Variants in SPOCK1 observed in about 807,000 individuals in gnomAD.
SPOCK1 encodes the protein SPARC (osteonectin), cwcv and kazal like domains proteoglycan 1, also known as testican-1.
A neutral mutation model predicts 55.3 loss-of-function variants in SPOCK1; 23 were observed. The observed-to-expected ratio is 0.42, with a 90% CI of 0.30 to 0.59. The LOEUF is 0.59. Ranked by LOEUF, SPOCK1 falls within the 20% of genes least tolerant of loss-of-function variation. The pLI is 0.22. For synonymous variants in SPOCK1, 226 were observed against 221.0 expected, an observed-to-expected ratio of 1.02 and a Z score of -0.20; for missense variants, 499 against 552.5, an observed-to-expected ratio of 0.90 and a Z score of 0.97.
intron 2 of SPOCK1, among the ~76,000 whole-genome samples, chr5:137,371,910 T>G (rs1462066562): frequency 6.6e-6 from 1 of 152,208 alleles, no homozygotes; most frequent in Non-Finnish European, 1.5e-5. Flanking sequence ...CACTATCCAA[T>G]AGAAATATAA....
chr5:137,160,539 T>C (rs11747200), intron 3 of SPOCK1, among the ~76,000 whole-genome samples: 24 of 74,186 alleles, frequency 3.2e-4, no homozygotes, highest in Admixed American at 2.5e-3. Flanking sequence ...TAAAAATATA[T>C]AATATATATA....
chr5:137,320,466 T>C (rs1314208850), intron 2 of SPOCK1, among the ~76,000 whole-genome samples: 2 of 152,270 alleles, frequency 1.3e-5, no homozygotes, highest in African/African-American at 4.8e-5. Flanking sequence ...TATTGTGTTC[T>C]GGCTTTTCAA....
intron 2 of SPOCK1, among the ~76,000 whole-genome samples, chr5:137,461,483 C>T (rs1467969868): frequency 6.6e-6 from 1 of 152,210 alleles, no homozygotes; most frequent in African/African-American, 2.4e-5. Flanking sequence ...TTGGGGGCAG[C>T]CCCTTGAAAT....
chr5:137,277,866 G>T (rs1213567782), intron 2 of SPOCK1, among the ~76,000 whole-genome samples: 1 of 152,150 alleles, frequency 6.6e-6, no homozygotes, highest in African/African-American at 2.4e-5. Context: ...GCAGCCCCAA[G>T]AGCAGGCCGG....
At chr5:137,354,890 A>T (rs577141691) in intron 2 of SPOCK1, among the ~76,000 whole-genome samples, 5 of 151,130 alleles carry the variant, frequency 3.3e-5, no homozygotes, top group Non-Finnish European at 7.4e-5. Flanking sequence ...TAAGTGACTC[A>T]CTCTAAGTTT....
At chr5:137,345,588 AC>A (rs1200922408) in intron 2 of SPOCK1, among the ~76,000 whole-genome samples, 1 of 152,160 alleles carries the variant, frequency 6.6e-6, no homozygotes, top group African/African-American at 2.4e-5. Flanking sequence ...TTTTTAGCAA[AC>A]ACCCTGGTCT....
At chr5:137,151,219 C>A (rs1754313287) in intron 3 of SPOCK1, among the ~76,000 whole-genome samples, 1 of 152,042 alleles carries the variant, frequency 6.6e-6, no homozygotes, top group Middle Eastern at 3.2e-3. Flanking sequence ...TCTCAAACTC[C>A]TGGCCTCAAG....
intron 2 of SPOCK1, among the ~76,000 whole-genome samples, chr5:137,491,839 C>T (rs571139927): frequency 2.6e-5 from 4 of 152,320 alleles, no homozygotes; most frequent in African/African-American, 9.6e-5. Flanking sequence ...TTAGGTTCTT[C>T]AGGAGGCATC....
intron 4 of SPOCK1, among the ~76,000 whole-genome samples, chr5:137,122,800 G>C (rs1016879404): frequency 3.9e-5 from 6 of 152,246 alleles, no homozygotes; most frequent in African/African-American, 7.2e-5. Flanking sequence ...TCCACCATCA[G>C]CTTCGCTGTT....
intron 3 of SPOCK1, among the ~76,000 whole-genome samples, chr5:137,211,496 TCTA>T (rs1158482271): frequency 2.0e-5 from 3 of 152,226 alleles, no homozygotes; most frequent in African/African-American, 7.2e-5. Context: ...AATGTTTTGT[TCTA>T]CTATTTGGTC....
chr5:137,010,389 G>C (rs1220609469), intron 6 of SPOCK1, among the ~76,000 whole-genome samples: 1 of 151,944 alleles, frequency 6.6e-6, no homozygotes, highest in Non-Finnish European at 1.5e-5. Flanking sequence ...CATGGAGAGG[G>C]ATAACTTCCA....
intron 3 of SPOCK1, among the ~76,000 whole-genome samples, chr5:137,150,989 C>A (rs1275660383): frequency 3.3e-5 from 5 of 152,190 alleles, no homozygotes; most frequent in Non-Finnish European, 7.3e-5. Flanking sequence ...ATGCATCTAG[C>A]ACAGCCTGGC....
intron 7 of SPOCK1, among the ~76,000 whole-genome samples, chr5:136,990,903 T>C (rs963570740): frequency 6.6e-5 from 10 of 152,124 alleles, no homozygotes; most frequent in African/African-American, 2.2e-4. Context: ...TTGCCTGTCA[T>C]GCAGGAGAAA....
intron 3 of SPOCK1, among the ~76,000 whole-genome samples, chr5:137,187,985 C>T (rs530275055): frequency 3.4e-4 from 52 of 152,288 alleles, no homozygotes; most frequent in Admixed American, 3.0e-3. Flanking sequence ...GTTATCCTTC[C>T]ACCCCTTGGA....
chr5:137,382,297 A>C (rs1485039195), intron 2 of SPOCK1, among the ~76,000 whole-genome samples: 1 of 152,210 alleles, frequency 6.6e-6, no homozygotes, highest in East Asian at 1.9e-4. Flanking sequence ...AGGAAGTTCC[A>C]AACTTTCCCA....
chr5:137,206,067 C>A (rs1755516840), intron 3 of SPOCK1, among the ~76,000 whole-genome samples: 1 of 152,226 alleles, frequency 6.6e-6, no homozygotes, highest in Non-Finnish European at 1.5e-5. Flanking sequence ...TCCTGCAGCA[C>A]AACGACTCAA....
intron 6 of SPOCK1, among the ~76,000 whole-genome samples, chr5:137,018,392 G>A (rs190504007): frequency 1.4e-4 from 21 of 152,124 alleles, no homozygotes; most frequent in Admixed American, 2.6e-4. Context: ...ACTATAATAC[G>A]TATAAATCAT....
At chr5:137,060,499 T>C (rs1483064471) in intron 6 of SPOCK1, among the ~76,000 whole-genome samples, 1 of 152,210 alleles carries the variant, frequency 6.6e-6, no homozygotes, top group East Asian at 1.9e-4. Context: ...CGATTGGGTA[T>C]GCTTATTATC....
intron 2 of SPOCK1, among the ~76,000 whole-genome samples, chr5:137,302,498 A>C (rs1757617875): frequency 6.6e-6 from 1 of 151,764 alleles, no homozygotes; most frequent in African/African-American, 2.4e-5. Flanking sequence ...AATGGCATGA[A>C]CCTGGGAGGC....
Sources: allele counts gnomAD v4.1 joint callset (sites outside exome capture counted in the v4.1 genomes callset), GRCh38; gene constraint gnomAD v4.1.1; transcripts MANE v1.5; gene names NCBI Gene and HGNC (gene_info 2026-07-23, HGNC 2026-07-21).